The following STXBP6 variants were observed in gnomAD, a reference collection of about 807,000 sequenced individuals.
STXBP6 encodes the protein syntaxin-binding protein 6.
In STXBP6, 21 loss-of-function variants were observed where a neutral mutation model predicts 26.9. That is an observed-to-expected ratio of 0.78 (90% CI 0.55 to 1.12). The LOEUF is 1.12. Ranked by LOEUF, STXBP6 falls within the 50% of genes most tolerant of loss-of-function variation. The pLI is 0.00. For missense variants in STXBP6, 232 were observed against 257.9 expected, an observed-to-expected ratio of 0.90 and a Z score of 0.69; for synonymous variants, 97 against 92.6, an observed-to-expected ratio of 1.05 and a Z score of -0.27.
intron 1 of STXBP6, among the ~76,000 whole-genome samples, chr14:25,004,435 G>C (rs1306284170): frequency 1.3e-5 from 2 of 152,226 alleles, no homozygotes; most frequent in African/African-American, 2.4e-5. Context: ...ACACATGGGG[G>C]AGGGAAGGGC....
chr14:24,818,415 C>G (rs2068042932), intron 5 of STXBP6, among the ~76,000 whole-genome samples: 1 of 152,150 alleles, frequency 6.6e-6, no homozygotes, highest in Non-Finnish European at 1.5e-5. Flanking sequence ...GCAGGAAATG[C>G]CCTTCTCTGG....
chr14:24,853,388 A>G (rs1367337461), intron 4 of STXBP6, among the ~76,000 whole-genome samples: 1 of 152,152 alleles, frequency 6.6e-6, no homozygotes, highest in African/African-American at 2.4e-5. Flanking sequence ...GACATGCTGC[A>G]TTCACTAAGG....
chr14:24,819,481 G>A (rs2282034), intron 4 of STXBP6: 54,044 of 564,936 alleles, frequency 0.096, 3,024 homozygotes, highest in East Asian at 0.2. Flanking sequence ...TATCTGTGGA[G>A]GCTCAAAAGG....
At chr14:25,018,525 G>A (rs2075201840) in intron 1 of STXBP6, among the ~76,000 whole-genome samples, 1 of 152,140 alleles carries the variant, frequency 6.6e-6, no homozygotes, top group Non-Finnish European at 1.5e-5. Flanking sequence ...CCCAGGGTTA[G>A]GGCACTCTCC....
chr14:24,882,441 T>G (rs1340981727), intron 2 of STXBP6, among the ~76,000 whole-genome samples: 3 of 135,542 alleles, frequency 2.2e-5, no homozygotes, highest in Admixed American at 1.5e-4. Flanking sequence ...CCTAAGGGAC[T>G]TGGTCCCAAC....
chr14:24,835,768 C>T (rs1316729726), intron 4 of STXBP6, among the ~76,000 whole-genome samples: 1 of 152,170 alleles, frequency 6.6e-6, no homozygotes, highest in Non-Finnish European at 1.5e-5. Context: ...ATCCTATTTT[C>T]TGCTTTGGAC....
At chr14:24,996,808 T>C (rs1421205180) in intron 1 of STXBP6, among the ~76,000 whole-genome samples, 1 of 136,850 alleles carries the variant, frequency 7.3e-6, no homozygotes, top group East Asian at 2.1e-4. Flanking sequence ...TGAGCCAAGA[T>C]CGCGCCATTG....
intron 4 of STXBP6, among the ~76,000 whole-genome samples, chr14:24,829,812 G>A (rs970611511): frequency 3.9e-5 from 6 of 151,958 alleles, no homozygotes; most frequent in East Asian, 1.9e-4. Flanking sequence ...AGGGGCCTAC[G>A]GTCTAGAAAC....
At chr14:25,044,901 A>G (rs893067629) in intron 1 of STXBP6, among the ~76,000 whole-genome samples, 1 of 152,220 alleles carries the variant, frequency 6.6e-6, no homozygotes, top group Admixed American at 6.5e-5. Context: ...TCCCTTATCT[A>G]TCAAAGAGTG....
At chr14:24,964,822 CGTTTT>C (rs893643754) in intron 2 of STXBP6, among the ~76,000 whole-genome samples, 9 of 152,052 alleles carry the variant, frequency 5.9e-5, no homozygotes, top group African/African-American at 2.2e-4. Context: ...CCTCAGAGAA[CGTTTT>C]GTTTTATTTT....
At chr14:24,862,433 C>T (rs1046730526) in intron 2 of STXBP6, among the ~76,000 whole-genome samples, 16 of 152,140 alleles carry the variant, frequency 1.1e-4, no homozygotes, top group African/African-American at 3.9e-4. Context: ...CTTAAACAGT[C>T]CCTGCTCCAT....
chr14:24,987,155 A>G (rs1743940954), intron 1 of STXBP6, among the ~76,000 whole-genome samples: 1 of 152,226 alleles, frequency 6.6e-6, no homozygotes, highest in South Asian at 2.1e-4. Context: ...ACACTAACAC[A>G]TTACAAAGAC....
At chr14:24,907,445 A>G (rs1282876716) in intron 2 of STXBP6, among the ~76,000 whole-genome samples, 2 of 152,236 alleles carry the variant, frequency 1.3e-5, no homozygotes, top group Non-Finnish European at 2.9e-5. Flanking sequence ...TTGTCTATAT[A>G]TCACCTCAAT....
chr14:25,019,869 T>G (rs1415682669), intron 1 of STXBP6, among the ~76,000 whole-genome samples: 8 of 54,376 alleles, frequency 1.5e-4, no homozygotes, highest in South Asian at 5.5e-4. Context: ...GTTTCGTGGG[T>G]TTTTTTTTTT....
chr14:24,914,650 G>T (rs1320714918), intron 2 of STXBP6, among the ~76,000 whole-genome samples: 1 of 152,148 alleles, frequency 6.6e-6, no homozygotes, highest in Admixed American at 6.5e-5. Context: ...CTGGCTCCCT[G>T]TTACAGCTGT....
chr14:24,892,819 A>G (rs977591695), intron 2 of STXBP6, among the ~76,000 whole-genome samples: 1 of 152,246 alleles, frequency 6.6e-6, no homozygotes, highest in African/African-American at 2.4e-5. Flanking sequence ...GATGTTATCA[A>G]GCAGGAGCAG....
intron 2 of STXBP6, among the ~76,000 whole-genome samples, chr14:24,918,793 T>A (rs78867203): frequency 0.023 from 3,561 of 152,162 alleles, 146 homozygotes; most frequent in African/African-American, 0.081. Context: ...TTACAGCATC[T>A]TATGTTTGAA....
chr14:25,039,882 T>A (rs1271629318), intron 1 of STXBP6, among the ~76,000 whole-genome samples: 1 of 152,090 alleles, frequency 6.6e-6, no homozygotes, highest in Non-Finnish European at 1.5e-5. Flanking sequence ...AATTTTTTTT[T>A]ATTTTTAGTA....
chr14:24,857,543 G>C (rs1441295487), intron 2 of STXBP6, among the ~76,000 whole-genome samples: 1 of 151,958 alleles, frequency 6.6e-6, no homozygotes, highest in African/African-American at 2.4e-5. Context: ...AGGTTCACTG[G>C]GAAAGGCTGA....
Sources: gnomAD v4.1 joint callset for allele counts (sites outside exome capture counted in the v4.1 genomes callset) on GRCh38, gnomAD v4.1.1 for gene constraint, MANE v1.5 for transcripts, NCBI Gene and HGNC (gene_info 2026-07-23, HGNC 2026-07-21) for gene names.